The following ATF6 variants were observed in gnomAD, a reference collection of about 807,000 sequenced individuals.
ATF6 encodes the protein cyclic AMP-dependent transcription factor ATF-6 alpha.
In ATF6, 53 loss-of-function variants were observed where a neutral mutation model predicts 83.6. That is an observed-to-expected ratio of 0.63 (90% CI 0.51 to 0.80). ATF6 has a LOEUF of 0.80. Among genes scored for constraint, ATF6 ranks in the 30% least tolerant of loss-of-function variants. The pLI is 0.00. For synonymous variants in ATF6, 288 were observed against 285.8 expected (o/e 1.01, Z -0.08); for missense variants, 744 against 797.9 (o/e 0.93, Z 0.81).
At chr1:161,924,947 T>G (rs1164490752) in intron 15 of ATF6, among the ~76,000 whole-genome samples, 1 of 152,242 alleles carries the variant, frequency 6.6e-6, no homozygotes, top group Non-Finnish European at 1.5e-5. Flanking sequence ...CCAACCAGTT[T>G]AGATATAATC....
chr1:161,783,324 G>A (rs1188515206), intron 3 of ATF6, among the ~76,000 whole-genome samples: 1 of 152,166 alleles, frequency 6.6e-6, no homozygotes, highest in Non-Finnish European at 1.5e-5. Flanking sequence ...AGAAGATCAT[G>A]AGGGAAGATC....
At chr1:161,879,992 G>T (rs1687290003) in intron 14 of ATF6, among the ~76,000 whole-genome samples, 1 of 151,914 alleles carries the variant, frequency 6.6e-6, no homozygotes, top group Non-Finnish European at 1.5e-5. Context: ...GCTTATCTTG[G>T]GTATCTGCCC....
intron 15 of ATF6, among the ~76,000 whole-genome samples, chr1:161,954,903 G>T (rs987306928): frequency 6.6e-6 from 1 of 152,132 alleles, no homozygotes; most frequent in Non-Finnish European, 1.5e-5. Flanking sequence ...TGAACCATTT[G>T]TGCAGTGCCC....
intron 15 of ATF6, among the ~76,000 whole-genome samples, chr1:161,926,694 A>T (rs1302018181): frequency 6.6e-6 from 1 of 152,158 alleles, no homozygotes; most frequent in Non-Finnish European, 1.5e-5. Context: ...AGTGGGGATC[A>T]TTTGGGGGCA....
At chr1:161,913,515 A>G (rs1414368228) in intron 15 of ATF6, among the ~76,000 whole-genome samples, 1 of 152,208 alleles carries the variant, frequency 6.6e-6, no homozygotes, top group Non-Finnish European at 1.5e-5. Context: ...AACTTCATAG[A>G]CATAAACATA....
intron 11 of ATF6, among the ~76,000 whole-genome samples, chr1:161,852,064 T>G (rs1232638885): frequency 3.3e-5 from 5 of 152,210 alleles, no homozygotes; most frequent in Admixed American, 3.3e-4. Flanking sequence ...CTTTAAAAAC[T>G]ACAGAATGAA....
chr1:161,867,098 T>G (rs980860764), intron 14 of ATF6, among the ~76,000 whole-genome samples: 19 of 152,026 alleles, frequency 1.2e-4, no homozygotes, highest in Non-Finnish European at 2.1e-4. Context: ...ATTGAGACCA[T>G]CCTGGCTAAC....
chr1:161,909,732 A>G (rs1397876412), intron 14 of ATF6, among the ~76,000 whole-genome samples: 1 of 152,120 alleles, frequency 6.6e-6, no homozygotes, highest in Non-Finnish European at 1.5e-5. Flanking sequence ...CGAGGCGGGC[A>G]GATCACGAGG....
At chr1:161,839,465 G>T (rs1210368425) in intron 9 of ATF6, among the ~76,000 whole-genome samples, 1 of 152,054 alleles carries the variant, frequency 6.6e-6, no homozygotes, top group Non-Finnish European at 1.5e-5. Context: ...GAGCTCAAGC[G>T]ATTGTTCCAC....
At chr1:161,845,886 A>G (rs931832115) in intron 9 of ATF6, among the ~76,000 whole-genome samples, 2 of 152,102 alleles carry the variant, frequency 1.3e-5, no homozygotes, top group Non-Finnish European at 2.9e-5. Flanking sequence ...TGATGAGTGA[A>G]GATATTAGGG....
intron 4 of ATF6, among the ~76,000 whole-genome samples, chr1:161,788,154 C>A (rs1684791715): frequency 6.6e-6 from 1 of 152,226 alleles, no homozygotes; most frequent in African/African-American, 2.4e-5. Flanking sequence ...CCAGGATCAT[C>A]ATAGTACTCT....
Position 161,947,633 on chromosome 1 carries a change from A to G in ATF6, c.1805-10813A>G, listed in dbSNP as rs142959510. Reference sequence around the variant, plus strand: ...TTTATAATAATTCAAAAATCTCAATAATTTCTGAAAAAAAGAAGCATTTGT... The same window carrying G: ...TTTATAATAATTCAAAAATCTCAATGATTTCTGAAAAAAAGAAGCATTTGT... On this transcript the variant is annotated intron_variant, in intron 15 of 15. Transcript: ENST00000367942. Among the ~76,000 whole-genome samples, 226 of 152,252 alleles carry G rather than the reference A, an allele frequency of 1.5e-3. 2 individuals are homozygous for G. Among genetic ancestry groups the G allele is most frequent in the Middle Eastern group, 0.01 (3 of 294 alleles).
In ATF6 at chr1:161,962,661, C is replaced by A. The variant is rs1483238344; in HGVS notation, c.*4007C>A. ...AGAGTTAGAGCCTGATCTGATGCCC[C>A]CTTTCACTCTGAAGTCATGGGAAAT... On this transcript the variant is annotated 3_prime_UTR_variant, in exon 16 of 16. Transcript: ENST00000367942. 2.0e-5 allele frequency: 3 copies of A among 152,202 alleles called. No homozygotes were observed. The highest frequency in any genetic ancestry group is 7.2e-5 in the African/African-American group (3 of 41,442). The allele number at this position is 152,202 out of a possible 1,614,324, so 9.4% of individuals were successfully genotyped here.
At chr1:161,839,916 T>C (rs12691498) in intron 9 of ATF6, among the ~76,000 whole-genome samples, 31 of 152,164 alleles carry the variant, frequency 2.0e-4, no homozygotes, top group Middle Eastern at 3.4e-3. Context: ...GAGAGGTCAA[T>C]TGAGGTAAGA....
chr1:161,826,191 G>A (rs888523806), intron 9 of ATF6, among the ~76,000 whole-genome samples: 3 of 152,178 alleles, frequency 2.0e-5, no homozygotes, highest in Non-Finnish European at 4.4e-5. Flanking sequence ...ATTAGATTAT[G>A]CTACAGGAAG....
At chr1:161,836,981 C>T (rs1686236160) in intron 9 of ATF6, among the ~76,000 whole-genome samples, 2 of 152,278 alleles carry the variant, frequency 1.3e-5, no homozygotes, top group Middle Eastern at 3.4e-3. Context: ...TCGATATGTT[C>T]TTCAGACCAT....
At chr1:161,848,525 C>T (rs1391854012) in intron 10 of ATF6, among the ~76,000 whole-genome samples, 1 of 151,940 alleles carries the variant, frequency 6.6e-6, no homozygotes, top group Non-Finnish European at 1.5e-5. Context: ...TTTTTTCAGT[C>T]ATAGAAATGT....
intron 10 of ATF6, among the ~76,000 whole-genome samples, chr1:161,850,290 C>T (rs991602560): frequency 6.6e-6 from 1 of 151,958 alleles, no homozygotes; most frequent in Admixed American, 6.6e-5. Flanking sequence ...CCCTCTCTAC[C>T]TCCCCACTTG....
intron 15 of ATF6, among the ~76,000 whole-genome samples, chr1:161,938,011 C>T (rs1490865644): frequency 6.6e-6 from 1 of 152,166 alleles, no homozygotes; most frequent in African/African-American, 2.4e-5. Flanking sequence ...GCCTCCCCTT[C>T]CCACACATGT....
Sources: allele counts gnomAD v4.1 joint callset (sites outside exome capture counted in the v4.1 genomes callset), GRCh38; gene constraint gnomAD v4.1.1; transcripts MANE v1.5; gene names NCBI Gene and HGNC (gene_info 2026-07-23, HGNC 2026-07-21).